The following KCNAB2 variants were observed in gnomAD, a reference collection of about 807,000 sequenced individuals.
The protein encoded by KCNAB2 is potassium voltage-gated channel subfamily A regulatory beta subunit 2, also known as voltage-gated potassium channel subunit beta-2.
In KCNAB2, 29 loss-of-function variants were observed where a neutral mutation model predicts 63.6. The ratio of observed to expected loss-of-function variants is 0.46; its 90% CI spans 0.34 to 0.62. The LOEUF (loss-of-function observed/expected upper bound fraction) is 0.62, where lower values mean the gene tolerates loss of function less well. KCNAB2 is among the 20% of genes least tolerant of loss of function. The probability of loss-of-function intolerance (pLI) is 0.01; values close to 1 mark genes in which losing one functional copy is unlikely to be tolerated. For synonymous variants in KCNAB2, 222 were observed against 224.2 expected (o/e 0.99, Z 0.09); for missense variants, 359 against 563.9 (o/e 0.64, Z 3.68).
In KCNAB2 at chr1:6,088,293, G is replaced by A. The variant is rs369891153; in HGVS notation, c.471-715G>A. Reference sequence around the variant, plus strand: ...GTCACCCAGGCTGGAGTACAGTGGCGTAGTCCCAGCTCACTGCAGCCTCAA... The same window carrying A: ...GTCACCCAGGCTGGAGTACAGTGGCATAGTCCCAGCTCACTGCAGCCTCAA... On this transcript the variant is annotated intron_variant, in intron 7 of 15. Transcript: ENST00000378083. 1.9e-4 allele frequency among the ~76,000 whole-genome samples: 28 copies of A among 149,874 alleles called. No homozygotes were observed. The East Asian group carries it at 3.3e-3, about 18-fold the overall frequency.
At chr1:6,066,536 C>G (rs747687995) in intron 2 of KCNAB2, among the ~76,000 whole-genome samples, 1 of 152,134 alleles carries the variant, frequency 6.6e-6, no homozygotes, top group Non-Finnish European at 1.5e-5. Context: ...TTCCTTCTGC[C>G]TCTGTTTTCT....
At chr1:6,019,760 A>G (rs1003502473) in intron 1 of KCNAB2, among the ~76,000 whole-genome samples, 2 of 152,190 alleles carry the variant, frequency 1.3e-5, no homozygotes, top group African/African-American at 4.8e-5. Flanking sequence ...TTCATGGCTT[A>G]AGTCAGAAAC....
intron 1 of KCNAB2, among the ~76,000 whole-genome samples, chr1:6,000,850 G>A (rs1490683800): frequency 7.9e-5 from 12 of 152,082 alleles, no homozygotes; most frequent in Admixed American, 3.9e-4. Context: ...CTCATGAATC[G>A]GGAGCCAGGA....
At chr1:6,031,389 A>G (rs916455813), upstream of KCNAB2, among the ~76,000 whole-genome samples, 1 of 152,166 alleles carries the variant, frequency 6.6e-6, no homozygotes, top group Admixed American at 6.5e-5. This position sits in a 1 kb window ranked among gnomAD's most constrained non-coding sequence, Gnocchi z 4.1. Context: ...CCAATATAAT[A>G]GTCATTTACC....
chr1:6,013,856 C>T (rs1253336541), intron 1 of KCNAB2, among the ~76,000 whole-genome samples: 1 of 152,116 alleles, frequency 6.6e-6, no homozygotes, highest in African/African-American at 2.4e-5. Flanking sequence ...TGAGAAGCAC[C>T]ACTCAGCTCA....
At chr1:6,022,567 A>G (rs571950220) in intron 1 of KCNAB2, among the ~76,000 whole-genome samples, 1 of 152,122 alleles carries the variant, frequency 6.6e-6, no homozygotes, top group Non-Finnish European at 1.5e-5. Context: ...TATATGCACT[A>G]CCATCACCAC....
chr1:6,046,233 G>A, intron 1 of KCNAB2, 50 bp downstream of exon 1: 16 of 978,480 alleles, frequency 1.6e-5, no homozygotes, highest in Non-Finnish European at 1.9e-5. Context: ...GCCGCTTGGG[G>A]GCACGCATCC....
chr1:6,023,809 G>A (rs1658982114), intron 1 of KCNAB2, among the ~76,000 whole-genome samples: 1 of 152,004 alleles, frequency 6.6e-6, no homozygotes, highest in African/African-American at 2.4e-5. Context: ...GTCTTCTTAT[G>A]TTGCCCAGGC....
chr1:6,051,500 C>T lies in KCNAB2; in HGVS notation c.-26-11C>T, dbSNP rs777063723. ...ATTGGCACACTGTCTAACTCATCACCGTCTGGACAGTGGCAGCTCCCAAGC... is the reference window on the plus strand; with the variant it reads ...ATTGGCACACTGTCTAACTCATCACTGTCTGGACAGTGGCAGCTCCCAAGC... On this transcript the variant is annotated splice_polypyrimidine_tract_variant and intron_variant, in intron 1 of 15. Transcript: ENST00000378083. The T allele has an allele frequency of 5.8e-5, 87 of 1,487,828 alleles. 1 individual carries two copies. In the African/African-American group the frequency reaches 6.5e-4, roughly 11 times the overall value. The allele number at this position is 1,487,828 out of a possible 1,614,324, so 92.2% of individuals were successfully genotyped here. A position where few individuals can be genotyped will look rare whatever the true frequency, so the allele number is the denominator to read the frequency against.
rs1413903822 is a variant in KCNAB2 at position 6,003,434 on chromosome 1, G to A, written c.-53+10646G>A. Among the ~76,000 whole-genome samples the A allele has an allele frequency of 6.6e-6, 1 of 152,192 alleles. No individual in the cohort carries two copies. Among genetic ancestry groups the A allele is most frequent in the Non-Finnish European group, 1.5e-5 (1 of 68,042 alleles). On this transcript the variant is annotated intron_variant, in intron 1 of 16. Transcript: ENST00000341524. This position sits in a 1 kb window ranked among gnomAD's most constrained non-coding sequence, Gnocchi z 4.1. ...GCCTTCAGCCCCTGCAGACACGCAG[G>A]CACCGTCCACCTTCTCCACTCTTAG...
chr1:6,057,244 A>G (rs956048018), intron 2 of KCNAB2, among the ~76,000 whole-genome samples: 2 of 151,800 alleles, frequency 1.3e-5, no homozygotes, highest in Non-Finnish European at 2.9e-5. Context: ...GCAGGGCAGG[A>G]GTCCTGATTT....
rs540282416 is a variant in KCNAB2 at position 6,099,804 on chromosome 1, G to A, written c.*1230G>A. 11 of 1,513,978 alleles carry A rather than the reference G, an allele frequency of 7.3e-6. No homozygotes were observed. The African/African-American group carries it at 9.7e-5, about 13-fold the overall frequency. 93.8% of individuals were successfully genotyped at this position (1,513,978 alleles called of 1,614,324 possible). A position where few individuals can be genotyped will look rare whatever the true frequency, so the allele number is the denominator to read the frequency against. On this transcript the variant is annotated 3_prime_UTR_variant, in exon 16 of 16. Transcript: ENST00000378083. The stretch of plus-strand genomic sequence containing the variant: ...GGCTGGTTAGCCCCTCCCACTGCCT[G>A]ACACCTGGGACAGGCTGGGCAGAGG...
chr1:6,076,981 C>T (rs1364405092), intron 4 of KCNAB2, among the ~76,000 whole-genome samples: 2 of 152,008 alleles, frequency 1.3e-5, no homozygotes, highest in Non-Finnish European at 2.9e-5. Context: ...GATAGGAGTT[C>T]GAGACCAGCC....
In KCNAB2 at chr1:6,096,789, CT is replaced by C; in HGVS notation, c.1069+34del. 6.5e-7 allele frequency: 1 copy of C among 1,530,020 alleles called. No homozygotes were observed. The highest frequency in any genetic ancestry group is 8.8e-7 in the Non-Finnish European group (1 of 1,132,858). The allele number at this position is 1,530,020 out of a possible 1,614,324, so 94.8% of individuals were successfully genotyped here. A position where few individuals can be genotyped will look rare whatever the true frequency, so the allele number is the denominator to read the frequency against. ...TGGGGTCGCCATGGGGCCAGTGCCC[CT>C]GGGGAGAACCTGCCCCAGCTGGCCG... is the stretch of plus-strand genomic sequence containing the variant. On this transcript the variant is annotated intron_variant, in intron 14 of 15. Coordinates refer to ENST00000378083, the MANE Select transcript of KCNAB2 (RefSeq NM_001199862.2). This position sits in a 1 kb window ranked among gnomAD's most constrained non-coding sequence, Gnocchi z 5.9.
rs2100808380 is a variant in KCNAB2, at chr1:6,099,102, A to ACCT, written c.*531_*533dup. On this transcript the variant is annotated 3_prime_UTR_variant, in exon 16 of 16. Coordinates refer to ENST00000378083, the MANE Select transcript of KCNAB2 (RefSeq NM_001199862.2). Reference sequence around the variant, plus strand: ...GCCTCCCCACTGGGGGTCTTCCTCCACCTCCCACTTTCCAAGGGCTCCAGG... The same window carrying ACCT: ...GCCTCCCCACTGGGGGTCTTCCTCCACCTCCTCCCACTTTCCAAGGGCTCCAGG... 6.6e-6 allele frequency: 1 copy of ACCT among 152,556 alleles called. No homozygotes were observed. The highest frequency in any genetic ancestry group is 1.9e-4 in the East Asian group (1 of 5,154). 9.5% of individuals were successfully genotyped at this position (152,556 alleles called of 1,614,324 possible). A position where few individuals can be genotyped will look rare whatever the true frequency, so the allele number is the denominator to read the frequency against.
In KCNAB2 at chr1:6,028,210, G is replaced by A. The variant is rs1288203672; in HGVS notation, c.-52-12307G>A. Among the ~76,000 whole-genome samples, 1 of 152,222 alleles carries A rather than the reference G, an allele frequency of 6.6e-6. No individual in the cohort carries two copies. Among genetic ancestry groups the A allele is most frequent in the Non-Finnish European group, 1.5e-5 (1 of 68,052 alleles). On this transcript the variant is annotated intron_variant, in intron 1 of 16. Coordinates refer to the KCNAB2 transcript ENST00000341524. The surrounding 1 kb of genome is among the most constrained non-coding windows in gnomAD (Gnocchi z 4.0). ...CAGGGAAGGAATGGGCTCCTGTGTG[G>A]GCTCCTGGCTTCTGGGTGAGAGGGG...
chr1:6,046,939 A>T (rs1343702895), intron 1 of KCNAB2, among the ~76,000 whole-genome samples: 2 of 152,170 alleles, frequency 1.3e-5, no homozygotes, highest in Admixed American at 1.3e-4. Context: ...TGAGGTTAAC[A>T]TCTTCCTTGC....
chr1:6,067,586 T>A (rs1662861747), intron 2 of KCNAB2, among the ~76,000 whole-genome samples: 1 of 152,216 alleles, frequency 6.6e-6, no homozygotes, highest in South Asian at 2.1e-4. Context: ...TTCGTGTCTC[T>A]TCCTTCCCTG....
chr1:6,060,978 A>G (rs1003440148), intron 2 of KCNAB2, among the ~76,000 whole-genome samples: 1 of 151,214 alleles, frequency 6.6e-6, no homozygotes, highest in African/African-American at 2.4e-5. Flanking sequence ...CGTTCTGTGC[A>G]TGAGAGGGCA....
Sources: allele counts gnomAD v4.1 joint callset (sites outside exome capture counted in the v4.1 genomes callset), GRCh38; gene constraint gnomAD v4.1.1; non-coding constraint Gnocchi (gnomAD v3.1); transcripts MANE v1.5; gene names NCBI Gene and HGNC (gene_info 2026-07-23, HGNC 2026-07-21).